The following RNF17 variants were observed in gnomAD, a reference collection of about 807,000 sequenced individuals.
The protein encoded by RNF17 is ring finger protein 17.
Under a neutral mutation model 200.5 loss-of-function variants are expected in RNF17, and 31 were observed. That is an observed-to-expected ratio of 0.15 (90% CI 0.12 to 0.21). The LOEUF (loss-of-function observed/expected upper bound fraction) is 0.21. Among genes scored for constraint, RNF17 ranks in the 10% least tolerant of loss-of-function variants. The pLI, the probability that RNF17 is intolerant of heterozygous loss-of-function variation, is 1.00. For synonymous variants in RNF17, 606 were observed against 637.8 expected (o/e 0.95, Z 0.75); for missense variants, 1,628 against 1,905.1 (o/e 0.85, Z 2.71).
chr13:24,858,453 A>G (rs1054370565), intron 25 of RNF17, among the ~76,000 whole-genome samples: 1 of 151,996 alleles, frequency 6.6e-6, no homozygotes, highest in Admixed American at 6.6e-5. Flanking sequence ...AGGTGGTGGT[A>G]TTATGGAAGG....
At chr13:24,786,496 T>C (rs1459154716) in intron 6 of RNF17, among the ~76,000 whole-genome samples, 1 of 152,210 alleles carries the variant, frequency 6.6e-6, no homozygotes, top group Non-Finnish European at 1.5e-5. Context: ...ACCAGAGATA[T>C]TTTTATCATT....
intron 18 of RNF17, among the ~76,000 whole-genome samples, chr13:24,838,067 A>G (rs1476460977): frequency 6.6e-6 from 1 of 152,194 alleles, no homozygotes; most frequent in Non-Finnish European, 1.5e-5. Context: ...GAACACTTCT[A>G]TGCACATAAA....
intron 25 of RNF17, among the ~76,000 whole-genome samples, chr13:24,858,646 T>C (rs1450059100): frequency 6.6e-6 from 1 of 151,154 alleles, no homozygotes; most frequent in Non-Finnish European, 1.5e-5. Context: ...ATTGAAATTT[T>C]AATTTATATT....
intron 1 of RNF17, among the ~76,000 whole-genome samples, chr13:24,765,429 T>G (rs1787819152): frequency 6.6e-6 from 1 of 152,228 alleles, no homozygotes; most frequent in Admixed American, 6.5e-5. Flanking sequence ...GCGTAACTGT[T>G]TAATGTTTAT....
At chr13:24,833,609 C>T (rs893856464) in intron 18 of RNF17, among the ~76,000 whole-genome samples, 5 of 152,176 alleles carry the variant, frequency 3.3e-5, no homozygotes, top group Admixed American at 1.3e-4. Context: ...TTCTTGATTC[C>T]TCTTCTTTCT....
At chr13:24,765,132 C>T (rs1260204846) in intron 1 of RNF17, among the ~76,000 whole-genome samples, 3 of 152,186 alleles carry the variant, frequency 2.0e-5, no homozygotes, top group Non-Finnish European at 4.4e-5. Flanking sequence ...TCTCCTGTCT[C>T]AGCCTCTGGA....
At chr13:24,825,477 A>G (rs1020516718) in intron 15 of RNF17, 142 bp from the exon 16 acceptor site, 1 of 644,870 alleles carries the variant, frequency 1.6e-6, no homozygotes. Context: ...TTTGTAAAAT[A>G]AATTACGTAA....
downstream of RNF17, among the ~76,000 whole-genome samples, chr13:24,880,204 G>A (rs1039447815): frequency 1.3e-5 from 2 of 152,132 alleles, no homozygotes; most frequent in Non-Finnish European, 2.9e-5. Flanking sequence ...TGGGGGAAGG[G>A]GAAGCAAGTC....
intron 32 of RNF17, among the ~76,000 whole-genome samples, chr13:24,871,485 G>A (rs7489768): frequency 0.12 from 18,099 of 151,906 alleles, 1,198 homozygotes; most frequent in Middle Eastern, 0.16. Flanking sequence ...TTACAGGTGC[G>A]TGCCACCACA....
intron 16 of RNF17, among the ~76,000 whole-genome samples, chr13:24,828,923 C>T (rs1435973059): frequency 6.6e-6 from 1 of 151,960 alleles, no homozygotes; most frequent in Non-Finnish European, 1.5e-5. Context: ...GTCCTCCCAC[C>T]TCAGCCCCCA....
At chr13:24,844,552 T>A in intron 20 of RNF17, 100 bp from the exon 21 acceptor site, 1 of 932,490 alleles carries the variant, frequency 1.1e-6, no homozygotes, top group Non-Finnish European at 1.6e-6. Flanking sequence ...GTGCCCAGCT[T>A]GGCTGGAGCG....
intron 28 of RNF17, among the ~76,000 whole-genome samples, chr13:24,863,618 A>G (rs1242530482): frequency 6.6e-6 from 1 of 152,240 alleles, no homozygotes; most frequent in Admixed American, 6.5e-5. Context: ...AAAAACCTAA[A>G]GGAGGCACAC....
chr13:24,809,239 C>T (rs1419443472), intron 15 of RNF17, among the ~76,000 whole-genome samples: 1 of 150,250 alleles, frequency 6.7e-6, no homozygotes, highest in Non-Finnish European at 1.5e-5. Flanking sequence ...CCTCCTTGTA[C>T]CTCTGGTAGA....
chr13:24,824,303 C>G (rs752402372), intron 15 of RNF17: 2 of 655,234 alleles, frequency 3.1e-6, no homozygotes, highest in African/African-American at 3.6e-5. Context: ...CGTCATTCCT[C>G]TGCTGAATTT....
Position 24,789,776 on chromosome 13 carries a change from A to G in RNF17, c.935+4A>G, listed in dbSNP as rs760972665. ...TTGAATTTAGGGACTCAACAAAGTAAGTATTTATAAGCATGGTAACATGCC... is the reference window on the plus strand; with the variant it reads ...TTGAATTTAGGGACTCAACAAAGTAGGTATTTATAAGCATGGTAACATGCC... On this transcript the variant is annotated splice_donor_region_variant and intron_variant, in intron 9 of 35. Coordinates refer to ENST00000255324, the MANE Select transcript of RNF17 (RefSeq NM_031277.3). 1 of 1,500,116 alleles carries G rather than the reference A, an allele frequency of 6.7e-7. No homozygotes were observed. The highest frequency in any genetic ancestry group is 1.1e-5 in the South Asian group (1 of 88,380). 92.9% of individuals were successfully genotyped at this position (1,500,116 alleles called of 1,614,324 possible). A position where few individuals can be genotyped will look rare whatever the true frequency, so the allele number is the denominator to read the frequency against.
intron 33 of RNF17, 138 bp from the exon 34 acceptor site, chr13:24,876,851 CTGATTTTT>C (rs57419242): frequency 1 from 635,971 of 636,412 alleles, 317,767 homozygotes; most frequent in East Asian, 1. Flanking sequence ...CTCATTTTAT[CTGATTTTT>C]CTCATGCTTT....
At chr13:24,843,516 T>TA (rs1555282443) in intron 19 of RNF17, among the ~76,000 whole-genome samples, 3 of 149,582 alleles carry the variant, frequency 2.0e-5, no homozygotes, top group Non-Finnish European at 4.5e-5. Flanking sequence ...AGACTCCATT[T>TA]AAAAAAAAAA....
Position 24,778,414 on chromosome 13 carries a change from A to T in RNF17, c.429+8A>T. The T allele has an allele frequency of 1.9e-6, 3 of 1,570,938 alleles. No individual in the cohort carries two copies. The highest frequency in any genetic ancestry group is 2.6e-6 in the Non-Finnish European group (3 of 1,140,964). Reference sequence around the variant, plus strand: ...TCATCAGCTGTAATGTTGGTATGAAACATATTGGTCATGAAGTACGATGAA... The same window carrying T: ...TCATCAGCTGTAATGTTGGTATGAATCATATTGGTCATGAAGTACGATGAA... On this transcript the variant is annotated splice_region_variant and intron_variant, in intron 4 of 35. Coordinates refer to ENST00000255324, the MANE Select transcript of RNF17 (RefSeq NM_031277.3).
the RNF17 span, among the ~76,000 whole-genome samples, chr13:24,758,470 G>A: frequency 6.6e-6 from 1 of 152,238 alleles, no homozygotes; most frequent in Non-Finnish European, 1.5e-5. Flanking sequence ...TGACATCTAT[G>A]ACTGGTATAA....
Sources: allele counts gnomAD v4.1 joint callset (sites outside exome capture counted in the v4.1 genomes callset), GRCh38; gene constraint gnomAD v4.1.1; transcripts MANE v1.5; gene names NCBI Gene and HGNC (gene_info 2026-07-23, HGNC 2026-07-21).